Variants in ASMT observed in about 807,000 individuals in gnomAD.
ASMT encodes acetylserotonin N-methyltransferase.
ASMT carries 53 observed loss-of-function variants against 41.3 expected under a neutral mutation model. The ratio of observed to expected loss-of-function variants is 1.28; its 90% CI spans 1.03 to 1.61. The LOEUF (loss-of-function observed/expected upper bound fraction) is 1.61. ASMT is among the 40% of genes most tolerant of loss of function. The pLI, the probability that ASMT is intolerant of heterozygous loss-of-function variation, is 0.00. For missense variants in ASMT, 531 were observed against 441.3 expected (o/e 1.20, Z -1.82); for synonymous variants, 231 against 184.8 (o/e 1.25, Z -2.03).
intron 7 of ASMT, 153 bp from the exon 8 acceptor site, chrX:1,636,285 C>T: frequency 8.8e-7 from 1 of 1,142,236 alleles, no homozygotes; most frequent in Non-Finnish European, 1.3e-6. Flanking sequence ...TCTCCTAAGC[C>T]TTTTTGTTTT....
At chrX:1,623,029 A>G (rs2149462668) in intron 1 of ASMT, 110 bp from the exon 2 acceptor site, 1 of 1,033,454 alleles carries the variant, frequency 9.7e-7, no homozygotes, top group Non-Finnish European at 1.4e-6. Context: ...GAATAAGAAT[A>G]TAAATAAAAC....
At chrX:1,628,381 A>T (rs780576070) in intron 4 of ASMT, among the ~76,000 whole-genome samples, 1 of 152,294 alleles carries the variant, frequency 6.6e-6, no homozygotes, top group South Asian at 2.1e-4. Context: ...GGTGAAGGTG[A>T]GGCCAGGTGA....
chrX:1,622,696 G>A (rs1378337237), intron 1 of ASMT, among the ~76,000 whole-genome samples: 3 of 151,644 alleles, frequency 2.0e-5, no homozygotes, highest in East Asian at 2.0e-4. Flanking sequence ...GGCAGATCAC[G>A]AGGTCAGAAG....
rs752849782 is a variant in ASMT, at chrX:1,629,843, T to C, written c.466T>C (p.Phe156Leu). ...CAGGTCCGAGGGCGAGCGGCTACAG[T>C]TCATGCAAGCTCTGCAGGAGGTCTG... The part of the protein sequence containing the change: ...IYRSEGERLQ[F>L]MQALQEVWSV... Residue 156 changes from phenylalanine to leucine, a missense_variant, in exon 5 of 9, where the codon TTC becomes CTC. Coordinates refer to ENST00000381241, the MANE Select transcript of ASMT (RefSeq NM_001171038.2). 1.9e-6 allele frequency: 3 copies of C among 1,613,762 alleles called. No homozygotes were observed. The African/African-American group carries it at 4.0e-5, about 22-fold the overall frequency.
intron 7 of ASMT, among the ~76,000 whole-genome samples, chrX:1,635,131 C>A (rs1244837166): frequency 1.4e-5 from 2 of 142,202 alleles, no homozygotes; most frequent in East Asian, 2.2e-4. Flanking sequence ...CCCACCACCA[C>A]GCCCAGCTAA....
chrX:1,630,913 A>T (rs1171134516), intron 5 of ASMT, among the ~76,000 whole-genome samples: 13 of 136,186 alleles, frequency 9.5e-5, no homozygotes, highest in African/African-American at 2.0e-4. Context: ...GTATTTATTT[A>T]TTTATTTTTT....
chrX:1,616,898 C>T (rs1266681020), intron 1 of ASMT, among the ~76,000 whole-genome samples: 25 of 151,822 alleles, frequency 1.6e-4, no homozygotes, highest in East Asian at 3.9e-4. Flanking sequence ...TTAGTAGAGA[C>T]GGGGTTTCAC....
intron 1 of ASMT, among the ~76,000 whole-genome samples, chrX:1,616,783 A>G (rs1172868269): frequency 2.6e-5 from 4 of 150,960 alleles, no homozygotes; most frequent in Admixed American, 1.3e-4. Context: ...ATCTCGGCTC[A>G]CTGCAAGCTC....
intron 1 of ASMT, among the ~76,000 whole-genome samples, chrX:1,621,236 T>A (rs1934328098): frequency 6.6e-6 from 1 of 152,228 alleles, no homozygotes; most frequent in African/African-American, 2.4e-5. Flanking sequence ...TGTTTATGAC[T>A]TCCTGTCACT....
chrX:1,625,071 A>C (rs1432034217), intron 3 of ASMT, among the ~76,000 whole-genome samples: 5 of 151,474 alleles, frequency 3.3e-5, no homozygotes, highest in African/African-American at 1.2e-4. Flanking sequence ...GTGAAAGGGA[A>C]GGTTTCTTTT....
At chrX:1,627,633 CGAAATGAAATGAAAT>C (rs542448808) in intron 3 of ASMT, 55 bp from the exon 4 acceptor site, 231,614 of 1,198,572 alleles carry the variant, frequency 0.19, 27,529 homozygotes, top group African/African-American at 0.5. Flanking sequence ...CGAAATGAAA[CGAAATGAAATGAAAT>C]GAAATGAAAT....
intron 8 of ASMT, among the ~76,000 whole-genome samples, chrX:1,636,806 A>T (rs1261029684): frequency 6.6e-6 from 1 of 152,262 alleles, no homozygotes; most frequent in African/African-American, 2.4e-5. Flanking sequence ...ACTTTGGTGA[A>T]ATTCTTTCAG....
At position 1,623,165 on chromosome X, in the gene ASMT, C is replaced by G. The variant is rs145400552; in HGVS notation, c.96C>G (p.Gly32=). The G allele has an allele frequency of 3.5e-4, 566 of 1,612,828 alleles. 3 individuals are homozygous for G. In the African/African-American group the frequency reaches 6.9e-3, roughly 20 times the overall value. The change falls in exon 2 of 9, where the codon GGC becomes GGG. Residue 32 remains glycine, a synonymous_variant. Transcript: ENST00000381241. ...TTCTCTTCGCCGCCTGCGAGCTGGG[C>G]GTGTTTGACCTTCTCGCCGAGGCCC... ...SQVLFAACEL[G]VFDLLAEAPG... is the part of the protein sequence containing the mutation.
chrX:1,642,082 G>C (rs1443569142), intron 8 of ASMT, among the ~76,000 whole-genome samples: 1 of 146,596 alleles, frequency 6.8e-6, no homozygotes, highest in Non-Finnish European at 1.5e-5. Context: ...GAGGATGTGG[G>C]CACAGCCTCT....
At chrX:1,616,078 G>T (rs375015320) in intron 1 of ASMT, among the ~76,000 whole-genome samples, 2 of 151,580 alleles carry the variant, frequency 1.3e-5, no homozygotes, top group East Asian at 1.9e-4. Context: ...ACCCAGGCTG[G>T]AGTGCAGTGG....
At chrX:1,632,827 G>A (rs1280104215) in intron 6 of ASMT, 40 bp downstream of exon 6, 3 of 480,180 alleles carry the variant, frequency 6.2e-6, no homozygotes, top group Non-Finnish European at 1.1e-5. Flanking sequence ...CACAGGGAGG[G>A]GAACGTCACA....
intron 8 of ASMT, 146 bp from the exon 9 acceptor site, chrX:1,642,657 G>A: frequency 2.7e-6 from 2 of 738,220 alleles, no homozygotes; most frequent in South Asian, 3.1e-5. Flanking sequence ...TGATCGATGA[G>A]GACGTGGGCA....
chrX:1,625,079 T>G (rs1211337669), intron 3 of ASMT, among the ~76,000 whole-genome samples: 1 of 150,752 alleles, frequency 6.6e-6, no homozygotes, highest in Non-Finnish European at 1.5e-5. Flanking sequence ...GAAGGTTTCT[T>G]TTTCTTTGTT....
chrX:1,635,254 G>A (rs1298051985), intron 7 of ASMT, among the ~76,000 whole-genome samples: 1 of 151,336 alleles, frequency 6.6e-6, no homozygotes, highest in African/African-American at 2.4e-5. Context: ...AAAGTGCTGG[G>A]ATTACAGGCG....
Sources: gnomAD v4.1 joint callset for allele counts (sites outside exome capture counted in the v4.1 genomes callset) on GRCh38, gnomAD v4.1.1 for gene constraint, MANE v1.5 for transcripts, NCBI Gene and HGNC (gene_info 2026-07-23, HGNC 2026-07-21) for gene names.